The following RSRC1 variants were observed in gnomAD, a reference collection of about 807,000 sequenced individuals.
RSRC1 encodes the protein serine/Arginine-related protein 53.
A neutral mutation model predicts 49.1 loss-of-function variants in RSRC1; 39 were observed. The ratio of observed to expected loss-of-function variants is 0.79; its 90% confidence interval spans 0.61 to 1.04. The LOEUF (loss-of-function observed/expected upper bound fraction) is 1.04. RSRC1 is among the 50% of genes least tolerant of loss of function. The pLI, the probability that RSRC1 is intolerant of heterozygous loss-of-function variation, is 0.00. For synonymous variants in RSRC1, 143 were observed against 130.8 expected, an observed-to-expected ratio of 1.09 and a Z score of -0.63; for missense variants, 388 against 402.4, an observed-to-expected ratio of 0.96 and a Z score of 0.31.
intron 6 of RSRC1, among the ~76,000 whole-genome samples, chr3:158,369,166 A>G (rs1424108289): frequency 6.6e-6 from 1 of 152,142 alleles, no homozygotes; most frequent in Non-Finnish European, 1.5e-5. Flanking sequence ...ATTTTAAATA[A>G]TTGATCCATG....
chr3:158,349,796 C>T (rs1450643416), intron 5 of RSRC1, among the ~76,000 whole-genome samples: 1 of 139,158 alleles, frequency 7.2e-6, no homozygotes. Flanking sequence ...CTCGCGGGTT[C>T]AGGCGATTCT....
At chr3:158,386,447 A>G (rs549718048) in intron 6 of RSRC1, among the ~76,000 whole-genome samples, 1 of 152,226 alleles carries the variant, frequency 6.6e-6, no homozygotes, top group African/African-American at 2.4e-5. Context: ...TTCTCATTAT[A>G]AAGTAAGAAC....
chr3:158,356,638 T>C (rs950198969), intron 6 of RSRC1, among the ~76,000 whole-genome samples: 5 of 152,080 alleles, frequency 3.3e-5, no homozygotes, highest in Non-Finnish European at 5.9e-5. Context: ...GTAGGATAAA[T>C]CTAATTAATT....
intron 6 of RSRC1, among the ~76,000 whole-genome samples, chr3:158,432,126 C>T (rs971330280): frequency 6.6e-6 from 1 of 151,936 alleles, no homozygotes; most frequent in African/African-American, 2.4e-5. Flanking sequence ...CTCACCTTCT[C>T]TGCCTGCCAC....
intron 3 of RSRC1, among the ~76,000 whole-genome samples, chr3:158,169,589 G>T (rs1271983818): frequency 6.6e-6 from 1 of 152,018 alleles, no homozygotes; most frequent in Non-Finnish European, 1.5e-5. Flanking sequence ...TACAATTATT[G>T]CTGCCTTATT....
intron 7 of RSRC1, among the ~76,000 whole-genome samples, chr3:158,535,933 A>G (rs1325682458): frequency 6.6e-6 from 1 of 151,516 alleles, no homozygotes; most frequent in African/African-American, 2.4e-5. Context: ...AATGTTCATT[A>G]TAGAAAAATC....
At chr3:158,148,335 A>C (rs762201778) in intron 3 of RSRC1, among the ~76,000 whole-genome samples, 1 of 148,214 alleles carries the variant, frequency 6.7e-6, no homozygotes, top group Admixed American at 6.8e-5. Flanking sequence ...GCAAGATCCA[A>C]ATTTGTTCTT....
rs1162272233 is a variant in RSRC1, at chr3:158,518,087, AGTGC to A, written c.653-18997_653-18994del. 2.1e-4 allele frequency among the ~76,000 whole-genome samples: 22 copies of A among 106,856 alleles called. 1 individual carries two copies. The highest frequency in any genetic ancestry group is 7.4e-4 in the African/African-American group (19 of 25,782). 70.1% of individuals were successfully genotyped at this position (106,856 alleles called of 152,430 possible). A position where few individuals can be genotyped will look rare whatever the true frequency, so the allele number is the denominator to read the frequency against. ...TATATAAATTATGCATATGTACGTA[AGTGC>A]GTGCGTGTGTGTGTGTGTGTGTGTG... On this transcript the variant is annotated intron_variant, in intron 7 of 9. Transcript: ENST00000611884.
At chr3:158,459,255 G>A (rs1737497771) in intron 6 of RSRC1, among the ~76,000 whole-genome samples, 1 of 152,080 alleles carries the variant, frequency 6.6e-6, no homozygotes, top group African/African-American at 2.4e-5. Flanking sequence ...AATTGTCCAT[G>A]TATAGCAACA....
intron 4 of RSRC1, among the ~76,000 whole-genome samples, chr3:158,217,530 A>C (rs1164245109): frequency 6.6e-6 from 1 of 151,750 alleles, no homozygotes; most frequent in Non-Finnish European, 1.5e-5. Flanking sequence ...TTATGATGTT[A>C]GGTTCCTCAC....
intron 7 of RSRC1, among the ~76,000 whole-genome samples, chr3:158,486,378 G>C (rs771670080): frequency 6.6e-6 from 1 of 152,044 alleles, no homozygotes; most frequent in Non-Finnish European, 1.5e-5. Context: ...TCTCTTCCAG[G>C]CACCATGTTA....
chr3:158,466,121 TTC>T (rs914160782), intron 7 of RSRC1, among the ~76,000 whole-genome samples: 1 of 152,182 alleles, frequency 6.6e-6, no homozygotes, highest in African/African-American at 2.4e-5. Context: ...ATCAACCTGT[TTC>T]TCAGTTTCAG....
chr3:158,455,828 A>G (rs560432460), intron 6 of RSRC1, among the ~76,000 whole-genome samples: 5 of 151,910 alleles, frequency 3.3e-5, no homozygotes, highest in Admixed American at 2.0e-4. Flanking sequence ...GAAAATACAA[A>G]AATTAGCTGG....
At chr3:158,302,048 T>G (rs1727581371) in intron 5 of RSRC1, among the ~76,000 whole-genome samples, 1 of 122,288 alleles carries the variant, frequency 8.2e-6, no homozygotes, top group South Asian at 2.3e-4. Flanking sequence ...TGTGTATTCT[T>G]TTGTTTTCCT....
chr3:158,508,982 C>A (rs1010859789), intron 7 of RSRC1, among the ~76,000 whole-genome samples: 1 of 152,130 alleles, frequency 6.6e-6, no homozygotes, highest in East Asian at 1.9e-4. Flanking sequence ...TTCTTTGAGA[C>A]ACGAATGTTT....
intron 7 of RSRC1, among the ~76,000 whole-genome samples, chr3:158,487,792 A>G (rs1459580250): frequency 4.0e-5 from 6 of 151,482 alleles, no homozygotes; most frequent in Admixed American, 4.0e-4. Flanking sequence ...TCTACTAAAA[A>G]TACAAAAATT....
chr3:158,113,535 A>G (rs1387102610), intron 1 of RSRC1, among the ~76,000 whole-genome samples: 1 of 151,634 alleles, frequency 6.6e-6, no homozygotes, highest in East Asian at 1.9e-4. Flanking sequence ...CGCCCAGCTA[A>G]TTTTTGTATT....
At chr3:158,121,995 A>T in intron 1 of RSRC1, 108 bp from the exon 2 acceptor site, 1 of 594,912 alleles carries the variant, frequency 1.7e-6, no homozygotes, top group Non-Finnish European at 2.6e-6. Context: ...ACAGAGGGAG[A>T]CCCCATCTCT....
chr3:158,147,826 A>C (rs140098875), intron 3 of RSRC1, among the ~76,000 whole-genome samples: 1 of 152,124 alleles, frequency 6.6e-6, no homozygotes, highest in Non-Finnish European at 1.5e-5. Context: ...AGGGAATCAT[A>C]CTAATTCTGT....
Sources: allele counts gnomAD v4.1 joint callset (sites outside exome capture counted in the v4.1 genomes callset), GRCh38; gene constraint gnomAD v4.1.1; transcripts MANE v1.5; gene names NCBI Gene and HGNC (gene_info 2026-07-23, HGNC 2026-07-21).